The following ITSN2 variants were observed in gnomAD, a reference collection of about 807,000 sequenced individuals.
ITSN2 encodes the protein intersectin-2.
A neutral mutation model predicts 243.7 loss-of-function variants in ITSN2; 156 were observed. The observed-to-expected ratio is 0.64, with a 90% CI of 0.56 to 0.73. ITSN2 has a LOEUF of 0.73. Ranked by LOEUF, ITSN2 falls within the 30% of genes least tolerant of loss-of-function variation. The pLI is 0.00. For missense variants in ITSN2, 1,801 were observed against 1,996.1 expected, an observed-to-expected ratio of 0.90 and a Z score of 1.86; for synonymous variants, 703 against 699.9, an observed-to-expected ratio of 1.00 and a Z score of -0.07.
chr2:24,278,258 G>A (rs1163265358), intron 17 of ITSN2, among the ~76,000 whole-genome samples: 1 of 152,164 alleles, frequency 6.6e-6, no homozygotes, highest in Admixed American at 6.5e-5. Flanking sequence ...GAGCTTCCTT[G>A]TGCCATTCTG....
chr2:24,302,292 G>A (rs1031467042), intron 9 of ITSN2, among the ~76,000 whole-genome samples, 190 bp from the exon 10 acceptor site: 2 of 151,956 alleles, frequency 1.3e-5, no homozygotes, highest in Non-Finnish European at 2.9e-5. Flanking sequence ...TCCGCCTCCC[G>A]GGTTCACGCC....
At chr2:24,320,245 C>T (rs1367655439) in intron 2 of ITSN2, among the ~76,000 whole-genome samples, 6 of 151,796 alleles carry the variant, frequency 4.0e-5, no homozygotes, top group Non-Finnish European at 8.8e-5. Context: ...CCAGGCTGGG[C>T]GCGGTGGCTC....
At chr2:24,287,518 CTT>C (rs1679663932) in intron 15 of ITSN2, among the ~76,000 whole-genome samples, 1 of 152,068 alleles carries the variant, frequency 6.6e-6, no homozygotes, top group Non-Finnish European at 1.5e-5. Context: ...GCAAATATCT[CTT>C]TGAGACAGTA....
At chr2:24,236,605 T>C (rs1200851636) in intron 29 of ITSN2, among the ~76,000 whole-genome samples, 1 of 152,198 alleles carries the variant, frequency 6.6e-6, no homozygotes, top group East Asian at 1.9e-4. Flanking sequence ...TCCTTGACTC[T>C]TCTCTGTGTG....
intron 29 of ITSN2, 140 bp from the exon 30 acceptor site, chr2:24,221,206 G>A (rs1227656619): frequency 1.7e-5 from 15 of 869,034 alleles, no homozygotes; most frequent in Non-Finnish European, 2.6e-5. Context: ...GCTAACTTCT[G>A]CAGAGCAGCA....
At chr2:24,329,258 TTTTG>T (rs1685509967) in intron 1 of ITSN2, among the ~76,000 whole-genome samples, 1 of 6,358 alleles carries the variant, frequency 1.6e-4, no homozygotes, top group Non-Finnish European at 3.9e-4. Context: ...CTGTTTTTTT[TTTTG>T]TTTGTTTTGT....
At chr2:24,320,525 CAAAAAAAAAAAAAAAAAAAAAAAAAAAA>C (rs113637557) in intron 2 of ITSN2, among the ~76,000 whole-genome samples, 4 of 41,524 alleles carry the variant, frequency 9.6e-5, no homozygotes, top group East Asian at 1.5e-3. Context: ...GACTCCGTCT[CAAAAAAAAAAAAAAAAAAAAAAAAAAAA>C]AAAAAAAAAA....
In ITSN2 at chr2:24,287,800, G is replaced by A. The variant is rs1013784024; in HGVS notation, c.1724-1449C>T. 2.0e-5 allele frequency among the ~76,000 whole-genome samples: 3 copies of A among 152,044 alleles called. No homozygotes were observed. In the South Asian group the frequency reaches 6.2e-4, roughly 31 times the overall value. On this transcript the variant is annotated intron_variant, in intron 15 of 39. Coordinates refer to ENST00000355123, the MANE Select transcript of ITSN2 (RefSeq NM_006277.3). ...TTGCATTTCCCTGATGATTAATAATGTTGAGTCCCTTTTTAAATATCTCTT... is the reference window on the plus strand; with the variant it reads ...TTGCATTTCCCTGATGATTAATAATATTGAGTCCCTTTTTAAATATCTCTT...
Position 24,203,680 on chromosome 2 carries a change from C to T in ITSN2, c.5040G>A (p.Gly1680=). The T allele has an allele frequency of 6.2e-7, 1 of 1,614,198 alleles. No individual in the cohort carries two copies. Among genetic ancestry groups the T allele is most frequent in the Non-Finnish European group, 8.5e-7 (1 of 1,180,040 alleles). ...RRLLLHEVPT[G]EVWVRFDLQL... is the part of the protein sequence containing the mutation. ...GCAGGTCAAAACGGACCCAGACCTC[C>T]CCGGTGGGGACCTCATGCAGCAGCA... is the stretch of plus-strand genomic sequence containing the variant. The change falls in exon 40 of 40, where the codon GGG becomes GGA. Residue 1680 remains glycine, a synonymous_variant. Coordinates refer to ENST00000355123, the MANE Select transcript of ITSN2 (RefSeq NM_006277.3).
chr2:24,336,816 T>C (rs1209294261), intron 1 of ITSN2, among the ~76,000 whole-genome samples: 1 of 152,226 alleles, frequency 6.6e-6, no homozygotes, highest in Non-Finnish European at 1.5e-5. Context: ...TACCTCCATA[T>C]GCCTGGTTTC....
At chr2:24,272,733 T>A (rs1303350680) in intron 18 of ITSN2, among the ~76,000 whole-genome samples, 1 of 152,186 alleles carries the variant, frequency 6.6e-6, no homozygotes, top group East Asian at 1.9e-4. Context: ...CTGCGCCCAG[T>A]CTACTTTTTA....
chr2:24,303,894 C>A (rs1037051332), intron 8 of ITSN2, 32 bp from the exon 9 acceptor site: 1 of 1,381,418 alleles, frequency 7.2e-7, no homozygotes, highest in African/African-American at 1.4e-5. Context: ...TAAAGGAATT[C>A]TTTAGCATCT....
chr2:24,240,149 G>T (rs1558468207), intron 29 of ITSN2: 1 of 152,100 alleles, frequency 6.6e-6, no homozygotes, highest in Non-Finnish European at 1.5e-5. Flanking sequence ...TAATGTGGCT[G>T]ATTAACAGTG....
At chr2:24,209,275 C>T in intron 35 of ITSN2, 54 bp from the exon 36 acceptor site, 1 of 1,603,082 alleles carries the variant, frequency 6.2e-7, no homozygotes, top group Non-Finnish European at 8.5e-7. Flanking sequence ...AACACTCCAC[C>T]CGCCTATGTC....
At chr2:24,251,330 T>TAAAAAAAAAA (rs1272652352) in intron 25 of ITSN2, among the ~76,000 whole-genome samples, 15 of 1,288 alleles carry the variant, frequency 0.012, 5 homozygotes, top group African/African-American at 0.045. Context: ...AAAAATAAAA[T>TAAAAAAAAAA]ATATATATAT....
chr2:24,252,588 C>A, intron 24 of ITSN2, 77 bp from the exon 25 acceptor site: 1 of 1,063,108 alleles, frequency 9.4e-7, no homozygotes, highest in Non-Finnish European at 1.3e-6. Context: ...GGTTATTCTC[C>A]AAGACATTGT....
At chr2:24,280,232 A>T (rs557745667) in intron 17 of ITSN2, among the ~76,000 whole-genome samples, 1 of 152,336 alleles carries the variant, frequency 6.6e-6, no homozygotes, top group Non-Finnish European at 1.5e-5. Context: ...AAGTAGCCTA[A>T]AGGAGTGGTG....
chr2:24,330,806 G>A (rs1181083911), intron 1 of ITSN2: 7 of 397,472 alleles, frequency 1.8e-5, no homozygotes, highest in Admixed American at 3.5e-5. Context: ...TCGCTCTATC[G>A]CCCAGGCTGG....
At chr2:24,335,062 CAAAAAAAAAAAAAAA>C (rs70944740) in intron 1 of ITSN2, 8 of 70,264 alleles carry the variant, frequency 1.1e-4, no homozygotes, top group South Asian at 4.1e-4. Flanking sequence ...GACTCCGTCT[CAAAAAAAAAAAAAAA>C]AAAAAAAAAA....
Sources: gnomAD v4.1 joint callset for allele counts (sites outside exome capture counted in the v4.1 genomes callset) on GRCh38, gnomAD v4.1.1 for gene constraint, MANE v1.5 for transcripts, NCBI Gene and HGNC (gene_info 2026-07-23, HGNC 2026-07-21) for gene names.